RGMA: variants seen among roughly 807,000 people sequenced by gnomAD.
The protein encoded by RGMA is repulsive guidance molecule BMP co-receptor a, also known as repulsive guidance molecule A.
In RGMA, 10 loss-of-function variants were observed where a neutral mutation model predicts 23.2. The ratio of observed to expected loss-of-function variants is 0.43; its 90% CI spans 0.27 to 0.73. The LOEUF (loss-of-function observed/expected upper bound fraction) is 0.73. Ranked by LOEUF, RGMA falls within the 30% of genes least tolerant of loss-of-function variation. The pLI, the probability that RGMA is intolerant of heterozygous loss-of-function variation, is 0.20. For missense variants in RGMA, 547 were observed against 630.5 expected (o/e 0.87, Z 1.42); for synonymous variants, 308 against 279.3 (o/e 1.10, Z -1.03).
intron 2 of RGMA, among the ~76,000 whole-genome samples, chr15:93,058,382 G>C (rs1232948713): frequency 1.3e-5 from 2 of 152,208 alleles, no homozygotes; most frequent in Non-Finnish European, 2.9e-5. Context: ...GGCATGCACG[G>C]GCACCTCACC....
intron 2 of RGMA, chr15:93,065,907 G>A (rs904524809): frequency 1.4e-6 from 1 of 717,424 alleles, no homozygotes; most frequent in Non-Finnish European, 2.5e-6. Flanking sequence ...GCTGTTGCTG[G>A]CTGGGGGGCC....
At chr15:93,074,074 T>C (rs2141842908) in intron 1 of RGMA, 1 of 1,251,112 alleles carries the variant, frequency 8.0e-7, no homozygotes. Flanking sequence ...TCTGCTGCCG[T>C]TGTGATATTT....
At chr15:93,066,679 C>A in intron 2 of RGMA, 1 of 389,660 alleles carries the variant, frequency 2.6e-6, no homozygotes, top group Non-Finnish European at 5.0e-6. Context: ...CCGGCCCCCG[C>A]CGCCGCCCGG....
intron 1 of RGMA, among the ~76,000 whole-genome samples, chr15:93,083,749 G>C (rs1391822791): frequency 1.3e-5 from 2 of 152,210 alleles, no homozygotes; most frequent in Non-Finnish European, 2.9e-5. Flanking sequence ...AGGCAAAAAT[G>C]ACCTGCCCAA....
chr15:93,042,743 T>C lies in RGMA; in HGVS notation c.*2255A>G, dbSNP rs1219872722. The C allele has an allele frequency of 1.3e-5, 2 of 152,226 alleles. No homozygotes were observed. The highest frequency in any genetic ancestry group is 2.9e-5 in the Non-Finnish European group (2 of 68,072). 9.4% of individuals were successfully genotyped at this position (152,226 alleles called of 1,614,324 possible). On this transcript the variant is annotated 3_prime_UTR_variant, in exon 4 of 4. Coordinates refer to ENST00000329082, the MANE Select transcript of RGMA (RefSeq NM_020211.3). ...ATTTCTTCCTGATTCACTGGGTAGTTTGTACAGATGAAATGTGATCACAGC... is the reference window on the plus strand; with the variant it reads ...ATTTCTTCCTGATTCACTGGGTAGTCTGTACAGATGAAATGTGATCACAGC...
chr15:93,081,916 T>C (rs1166969697), intron 1 of RGMA, among the ~76,000 whole-genome samples: 1 of 152,234 alleles, frequency 6.6e-6, no homozygotes, highest in Non-Finnish European at 1.5e-5. Flanking sequence ...CTTTCTTAAA[T>C]TTGTCAAGGC....
intron 2 of RGMA, among the ~76,000 whole-genome samples, chr15:93,069,203 G>A (rs560055787): frequency 2.0e-5 from 3 of 152,250 alleles, no homozygotes; most frequent in African/African-American, 7.2e-5. Flanking sequence ...TCCACCTCCC[G>A]GGTTCGGGCG....
intron 2 of RGMA, chr15:93,065,887 C>T (rs1895128497): frequency 1.4e-6 from 1 of 728,744 alleles, no homozygotes. Flanking sequence ...CCCGTCAGTG[C>T]TCTCTGTAGG....
chr15:93,054,661 C>T (rs1056732469), intron 2 of RGMA, among the ~76,000 whole-genome samples: 10 of 152,190 alleles, frequency 6.6e-5, no homozygotes, highest in Admixed American at 6.5e-4. Flanking sequence ...ATAAATTACC[C>T]AGTCTTGGGT....
At chr15:93,081,000 T>C (rs948489503) in intron 1 of RGMA, among the ~76,000 whole-genome samples, 1 of 152,182 alleles carries the variant, frequency 6.6e-6, no homozygotes, top group African/African-American at 2.4e-5. Context: ...CAAAACCCAG[T>C]ACAAAAGCAA....
At chr15:93,066,134 G>A (rs1412822324) in intron 2 of RGMA, 1 of 1,361,346 alleles carries the variant, frequency 7.3e-7, no homozygotes, top group Non-Finnish European at 1.0e-6. Context: ...CCCTTCACGG[G>A]CACCTCCCCG....
intron 1 of RGMA, among the ~76,000 whole-genome samples, chr15:93,080,095 T>C (rs1895534792): frequency 6.6e-6 from 1 of 152,190 alleles, no homozygotes; most frequent in Non-Finnish European, 1.5e-5. Context: ...TTAAAAATTT[T>C]ACCAAAATTA....
At chr15:93,074,342 G>T (rs948999701) in intron 1 of RGMA, among the ~76,000 whole-genome samples, 2 of 152,182 alleles carry the variant, frequency 1.3e-5, no homozygotes, top group Non-Finnish European at 2.9e-5. Context: ...CTGCATTTGG[G>T]GTTCCGGCTG....
At chr15:93,085,835 G>A (rs921064690) in intron 1 of RGMA, among the ~76,000 whole-genome samples, 1 of 152,142 alleles carries the variant, frequency 6.6e-6, no homozygotes, top group East Asian at 1.9e-4. Flanking sequence ...CTCACAGGAC[G>A]GACCTGGCTA....
At chr15:93,060,055 G>C (rs943180246) in intron 2 of RGMA, among the ~76,000 whole-genome samples, 4 of 152,210 alleles carry the variant, frequency 2.6e-5, no homozygotes, top group Admixed American at 2.0e-4. Context: ...CAGTACTGCA[G>C]TCCAGAAAGT....
intron 2 of RGMA, among the ~76,000 whole-genome samples, chr15:93,069,822 CAT>C (rs1265255806): frequency 2.0e-5 from 3 of 152,230 alleles, no homozygotes; most frequent in Admixed American, 6.5e-5. Context: ...AGGACCCACA[CAT>C]AGTGAACAGG....
At chr15:93,054,629 G>A (rs1000079982) in intron 2 of RGMA, among the ~76,000 whole-genome samples, 2 of 152,198 alleles carry the variant, frequency 1.3e-5, no homozygotes, top group African/African-American at 4.8e-5. Flanking sequence ...GGAACTATGA[G>A]TCCATTAAAC....
At chr15:93,069,385 C>T (rs1169194603) in intron 2 of RGMA, among the ~76,000 whole-genome samples, 4 of 152,208 alleles carry the variant, frequency 2.6e-5, no homozygotes, top group Non-Finnish European at 5.9e-5. Flanking sequence ...GCTGGGGTTA[C>T]GGGCGTGAGC....
At chr15:93,054,103 A>C (rs1156609838) in intron 2 of RGMA, among the ~76,000 whole-genome samples, 1 of 151,646 alleles carries the variant, frequency 6.6e-6, no homozygotes, top group Non-Finnish European at 1.5e-5. Context: ...GGTGGTGCGC[A>C]CCTGTAATCC....
Sources: gnomAD v4.1 joint callset for allele counts (sites outside exome capture counted in the v4.1 genomes callset) on GRCh38, gnomAD v4.1.1 for gene constraint, MANE v1.5 for transcripts, NCBI Gene and HGNC (gene_info 2026-07-23, HGNC 2026-07-21) for gene names.